REV3L: variants seen among roughly 807,000 people sequenced by gnomAD.
REV3L encodes the protein REV3 like, DNA directed polymerase zeta catalytic subunit, also known as DNA polymerase zeta catalytic subunit.
Under a neutral mutation model 299.4 loss-of-function variants are expected in REV3L, and 69 were observed. The observed-to-expected ratio is 0.23, with a 90% CI of 0.19 to 0.28. REV3L has a LOEUF of 0.28. Among genes scored for constraint, REV3L ranks in the 10% least tolerant of loss-of-function variants. REV3L has a pLI of 1.00. For missense variants in REV3L, 3,128 were observed against 3,693.8 expected, an observed-to-expected ratio of 0.85 and a Z score of 3.97; for synonymous variants, 1,238 against 1,271.4, an observed-to-expected ratio of 0.97 and a Z score of 0.56.
chr6:111,304,963 C>CA (rs2065148085), intron 31 of REV3L, among the ~76,000 whole-genome samples: 1 of 145,238 alleles, frequency 6.9e-6, no homozygotes, highest in Non-Finnish European at 1.5e-5. Context: ...TTTTTTGAGA[C>CA]AGAGTTTCGC....
chr6:111,428,833 G>T (rs1030446360), intron 1 of REV3L, among the ~76,000 whole-genome samples: 2 of 151,944 alleles, frequency 1.3e-5, no homozygotes, highest in South Asian at 4.2e-4. Context: ...AGAAATAACA[G>T]AAAAAAATCC....
intron 26 of REV3L, among the ~76,000 whole-genome samples, chr6:111,320,313 G>A (rs557134717): frequency 2.6e-5 from 4 of 152,300 alleles, no homozygotes; most frequent in African/African-American, 9.6e-5. Context: ...TGATCTGCCT[G>A]CCTTGGCCTC....
intron 1 of REV3L, among the ~76,000 whole-genome samples, chr6:111,439,352 G>A (rs531602187): frequency 1.4e-4 from 22 of 152,288 alleles, no homozygotes; most frequent in African/African-American, 5.1e-4. Flanking sequence ...TGCGGTGGTG[G>A]TTCAAGAAGT....
chr6:111,344,692 T>C (rs1248120151), intron 20 of REV3L, among the ~76,000 whole-genome samples: 1 of 152,202 alleles, frequency 6.6e-6, no homozygotes, highest in Admixed American at 6.5e-5. Flanking sequence ...CTCTGAAATA[T>C]CTACAAGACA....
chr6:111,461,559 A>C (rs1196906661), intron 1 of REV3L, among the ~76,000 whole-genome samples: 1 of 152,092 alleles, frequency 6.6e-6, no homozygotes, highest in Non-Finnish European at 1.5e-5. Flanking sequence ...AATATACTGT[A>C]AAGTCTTAGA....
intron 27 of REV3L, among the ~76,000 whole-genome samples, chr6:111,314,423 T>A (rs186640127): frequency 4.7e-4 from 71 of 152,276 alleles, no homozygotes; most frequent in Non-Finnish European, 7.8e-4. Context: ...TTTGGGATGT[T>A]CACACCTAGA....
chr6:111,414,353 A>G (rs1165377484), intron 2 of REV3L, among the ~76,000 whole-genome samples: 2 of 152,192 alleles, frequency 1.3e-5, no homozygotes, highest in East Asian at 1.9e-4. Context: ...CAACTTGGAT[A>G]GCAGAGGAAC....
At chr6:111,441,931 A>G (rs1194665458) in intron 1 of REV3L, among the ~76,000 whole-genome samples, 1 of 152,168 alleles carries the variant, frequency 6.6e-6, no homozygotes, top group Non-Finnish European at 1.5e-5. Flanking sequence ...ATTACGTTTC[A>G]GTCTTTAAGT....
At chr6:111,477,302 T>C (rs1465175334) in intron 1 of REV3L, among the ~76,000 whole-genome samples, 3 of 152,230 alleles carry the variant, frequency 2.0e-5, no homozygotes, top group East Asian at 1.9e-4. Context: ...ATTAACTCTA[T>C]AATGGTGAGG....
At chr6:111,338,799 A>G (rs1276237124) in intron 21 of REV3L, among the ~76,000 whole-genome samples, 2 of 152,160 alleles carry the variant, frequency 1.3e-5, no homozygotes, top group African/African-American at 2.4e-5. Flanking sequence ...TTCAAAAGAA[A>G]TATTTTTACT....
intron 5 of REV3L, among the ~76,000 whole-genome samples, chr6:111,391,437 G>A (rs1435582522): frequency 2.0e-5 from 3 of 152,012 alleles, no homozygotes. Context: ...TATTTTAAAG[G>A]AAATTTTGAT....
chr6:111,445,254 A>G (rs1193238943), intron 1 of REV3L, among the ~76,000 whole-genome samples: 1 of 152,206 alleles, frequency 6.6e-6, no homozygotes, highest in African/African-American at 2.4e-5. Context: ...GAGGGGGGCA[A>G]GGATTAAGTA....
chr6:111,430,705 TAAAA>T (rs1786802433), intron 1 of REV3L: 4 of 1,544,418 alleles, frequency 2.6e-6, no homozygotes, highest in South Asian at 1.1e-5. Context: ...GCAAAGAAAA[TAAAA>T]AGAAAGACAA....
chr6:111,304,074 G>C (rs1163404049), intron 31 of REV3L, among the ~76,000 whole-genome samples: 1 of 151,784 alleles, frequency 6.6e-6, no homozygotes, highest in Non-Finnish European at 1.5e-5. Flanking sequence ...TTGGTACTGG[G>C]TTACAGAGTT....
chr6:111,301,427 G>C (rs1214310736), intron 31 of REV3L, among the ~76,000 whole-genome samples: 1 of 151,624 alleles, frequency 6.6e-6, no homozygotes, highest in Non-Finnish European at 1.5e-5. Flanking sequence ...ATAAAAACTT[G>C]CTGGTTTTGT....
chr6:111,360,295 G>GA (rs1778513865), intron 16 of REV3L, among the ~76,000 whole-genome samples: 1 of 152,012 alleles, frequency 6.6e-6, no homozygotes, highest in Non-Finnish European at 1.5e-5. Flanking sequence ...CACATGCATA[G>GA]AAAATTTCTG....
At chr6:111,398,838 ACTATATG>A (rs1284302630) in intron 4 of REV3L, among the ~76,000 whole-genome samples, 1 of 152,186 alleles carries the variant, frequency 6.6e-6, no homozygotes, top group Non-Finnish European at 1.5e-5. Flanking sequence ...CTGAGGGCTA[ACTATATG>A]ATAAAAGAAG....
chr6:111,410,169 C>A (rs779251148), intron 3 of REV3L, among the ~76,000 whole-genome samples: 1 of 151,936 alleles, frequency 6.6e-6, no homozygotes, highest in Non-Finnish European at 1.5e-5. Context: ...TGCACCATTG[C>A]GTACTCCAGC....
At chr6:111,405,708 A>G (rs1049640621) in intron 3 of REV3L, 78 bp from the exon 4 acceptor site, 4 of 988,702 alleles carry the variant, frequency 4.0e-6, no homozygotes, top group Non-Finnish European at 6.1e-6. Flanking sequence ...ATAGAAATAT[A>G]CAGAACAAAG....
Sources: allele counts gnomAD v4.1 joint callset (sites outside exome capture counted in the v4.1 genomes callset), GRCh38; gene constraint gnomAD v4.1.1; transcripts MANE v1.5; gene names NCBI Gene and HGNC (gene_info 2026-07-23, HGNC 2026-07-21).